The following ZNF236 variants were observed in gnomAD, a reference collection of about 807,000 sequenced individuals.
ZNF236 encodes the protein regulated by glucose.
In ZNF236, 50 loss-of-function variants were observed where a neutral mutation model predicts 191.2. That is an observed-to-expected ratio of 0.26 (90% CI 0.21 to 0.33). ZNF236 has a LOEUF of 0.33. Among genes scored for constraint, ZNF236 ranks in the 10% least tolerant of loss-of-function variants. ZNF236 has a pLI of 1.00. For synonymous variants in ZNF236, 907 were observed against 928.8 expected, an observed-to-expected ratio of 0.98 and a Z score of 0.43; for missense variants, 1,754 against 2,374.5, an observed-to-expected ratio of 0.74 and a Z score of 5.43.
rs200108703 is a variant in ZNF236 at position 76,908,483 on chromosome 18, A to G, written c.2461A>G (p.Met821Val). 285 of 1,614,186 alleles carry G rather than the reference A, an allele frequency of 1.8e-4. 1 individual carries two copies. In the African/African-American group the frequency reaches 3.2e-3, roughly 18 times the overall value. ...AEVVAANPEA[M>V]LDLEPQHVVG... is the part of the protein sequence containing the mutation. Reference sequence around the variant, plus strand: ...GGTGGTCGCAGCGAACCCCGAGGCCATGCTGGACCTGGAGCCTCAGCATGT... The same window carrying G: ...GGTGGTCGCAGCGAACCCCGAGGCCGTGCTGGACCTGGAGCCTCAGCATGT... The change falls in exon 14 of 31, where the codon ATG becomes GTG. Residue 821 changes from methionine (M) to valine (V), a missense_variant. By Grantham distance (21) the Met-to-Val change is conservative. This residue lies in a region of ZNF236 where 641 missense variants were observed against 869.6 expected (regional missense o/e 0.74). Coordinates refer to ENST00000320610, the MANE Select transcript of ZNF236 (RefSeq NM_001306089.2).
chr18:76,827,207 C>T (rs762656311), intron 1 of ZNF236, among the ~76,000 whole-genome samples: 3 of 150,120 alleles, frequency 2.0e-5, no homozygotes, highest in East Asian at 2.0e-4. Flanking sequence ...GTTGTTGAGA[C>T]GGAGTTTTGC....
chr18:76,861,758 T>A (rs1415470629), intron 3 of ZNF236, among the ~76,000 whole-genome samples: 2 of 152,192 alleles, frequency 1.3e-5, no homozygotes, highest in Non-Finnish European at 2.9e-5. Flanking sequence ...ATCACTATTG[T>A]TAGAGATAAC....
chr18:76,874,103 T>A (rs1425257593), intron 5 of ZNF236, among the ~76,000 whole-genome samples: 1 of 150,806 alleles, frequency 6.6e-6, no homozygotes, highest in Admixed American at 6.6e-5. Flanking sequence ...CCGCCTGTCC[T>A]CCTCTCCTGT....
At chr18:76,851,653 G>T in intron 2 of ZNF236, 122 bp from the exon 3 acceptor site, 1 of 1,044,406 alleles carries the variant, frequency 9.6e-7, no homozygotes, top group South Asian at 2.2e-5. Flanking sequence ...AGCCAGAGGA[G>T]ACTTCAGAAG....
intron 1 of ZNF236, among the ~76,000 whole-genome samples, chr18:76,839,838 A>G (rs577778071): frequency 1.3e-5 from 2 of 152,330 alleles, no homozygotes; most frequent in South Asian, 2.1e-4. Flanking sequence ...ATGTTTGTAG[A>G]GGTGAAAACA....
chr18:76,838,606 G>C (rs1975399999), intron 1 of ZNF236, among the ~76,000 whole-genome samples: 1 of 152,194 alleles, frequency 6.6e-6, no homozygotes, highest in Non-Finnish European at 1.5e-5. Context: ...TCTGCTATAT[G>C]CCTGAGTTTC....
chr18:76,968,089 G>T, intron 30 of ZNF236, 126 bp from the exon 31 acceptor site: 1 of 1,267,812 alleles, frequency 7.9e-7, no homozygotes, highest in Non-Finnish European at 1.1e-6. Flanking sequence ...TTTTTCACTG[G>T]AATGAAAAGC....
chr18:76,871,159 C>T (rs1976574009), intron 4 of ZNF236, among the ~76,000 whole-genome samples: 1 of 152,154 alleles, frequency 6.6e-6, no homozygotes, highest in Non-Finnish European at 1.5e-5. Flanking sequence ...CAAGAGGGAG[C>T]TTTCGTGTCT....
At chr18:76,844,733 C>T (rs1018426241) in intron 1 of ZNF236, among the ~76,000 whole-genome samples, 8 of 152,138 alleles carry the variant, frequency 5.3e-5, no homozygotes, top group Non-Finnish European at 1.0e-4. Context: ...TTTGTTGGAA[C>T]TCGGCATCCA....
intron 25 of ZNF236, among the ~76,000 whole-genome samples, chr18:76,929,403 A>G (rs1967791241): frequency 6.6e-6 from 1 of 152,152 alleles, no homozygotes; most frequent in South Asian, 2.1e-4. Context: ...ATTTTAGGAA[A>G]GCTATTTGGT....
At chr18:76,830,936 T>G (rs757657091) in intron 1 of ZNF236, among the ~76,000 whole-genome samples, 42 of 152,232 alleles carry the variant, frequency 2.8e-4, no homozygotes, top group Admixed American at 3.9e-4. Context: ...ATACTTTCTT[T>G]TCTAGAGCAG....
chr18:76,854,025 A>G (rs60682614), intron 3 of ZNF236, among the ~76,000 whole-genome samples: 4 of 151,634 alleles, frequency 2.6e-5, no homozygotes, highest in African/African-American at 7.3e-5. Context: ...AAAAAAAAAG[A>G]AAAGAAAAGA....
intron 4 of ZNF236, among the ~76,000 whole-genome samples, 165 bp from the exon 5 acceptor site, chr18:76,871,536 A>G (rs1217954068): frequency 6.6e-6 from 1 of 152,232 alleles, no homozygotes; most frequent in Non-Finnish European, 1.5e-5. Flanking sequence ...ATGATTTTTA[A>G]AACTAACACA....
At chr18:76,930,476 G>T (rs933334197) in intron 25 of ZNF236, among the ~76,000 whole-genome samples, 2 of 152,104 alleles carry the variant, frequency 1.3e-5, no homozygotes, top group Non-Finnish European at 2.9e-5. Flanking sequence ...TTCATTTCTA[G>T]TTGCCATACT....
intron 3 of ZNF236, among the ~76,000 whole-genome samples, chr18:76,862,164 G>C (rs1378925055): frequency 6.6e-6 from 1 of 152,084 alleles, no homozygotes; most frequent in South Asian, 2.1e-4. Context: ...TGCCCGGCCT[G>C]GGTTTCTTTT....
In ZNF236 at chr18:76,971,227, C is replaced by A. The variant is rs1207162636; in HGVS notation, c.*2888C>A. Among the ~76,000 whole-genome samples the A allele has an allele frequency of 6.6e-6, 1 of 152,294 alleles. No homozygotes were observed. Among genetic ancestry groups the A allele is most frequent in the East Asian group, 1.9e-4 (1 of 5,182 alleles). The stretch of plus-strand genomic sequence containing the variant: ...AAGCGGCTGCGTTTCCATAGAATGG[C>A]AATAGATGAAAATGAAGACATGTTT... On this transcript the variant is annotated 3_prime_UTR_variant, in exon 31 of 31. Transcript: ENST00000320610.
chr18:76,897,492 AGTAC>A (rs1353482813), intron 10 of ZNF236, among the ~76,000 whole-genome samples: 1 of 151,914 alleles, frequency 6.6e-6, no homozygotes, highest in Non-Finnish European at 1.5e-5. Flanking sequence ...TACTGTACAT[AGTAC>A]CACACACACA....
At chr18:76,915,912 T>A in intron 19 of ZNF236, 53 bp downstream of exon 19, 1 of 1,540,472 alleles carries the variant, frequency 6.5e-7, no homozygotes. Context: ...AATTTAGGAA[T>A]AAATCCATTC....
intron 2 of ZNF236, among the ~76,000 whole-genome samples, chr18:76,850,822 C>A (rs979413947): frequency 6.6e-6 from 1 of 151,602 alleles, no homozygotes; most frequent in African/African-American, 2.4e-5. Context: ...AGGCTGGTCT[C>A]GAACTCCTGA....
Sources: gnomAD v4.1 joint callset for allele counts (sites outside exome capture counted in the v4.1 genomes callset) on GRCh38, gnomAD v4.1.1 for gene constraint, gnomAD v4.1.1 regional missense constraint, MANE v1.5 for transcripts, NCBI Gene and HGNC (gene_info 2026-07-23, HGNC 2026-07-21) for gene names.